The following PDGFRL variants were observed in gnomAD, a reference collection of about 807,000 sequenced individuals.
PDGFRL encodes the protein platelet-derived growth factor receptor-like protein.
PDGFRL carries 46 observed loss-of-function variants against 37.2 expected under a neutral mutation model. The observed-to-expected ratio is 1.24, with a 90% CI of 0.98 to 1.58. The LOEUF (loss-of-function observed/expected upper bound fraction) is 1.58. Among genes scored for constraint, PDGFRL ranks in the 40% most tolerant of loss-of-function variants. The probability of loss-of-function intolerance (pLI) is 0.00; values close to 1 mark genes in which losing one functional copy is unlikely to be tolerated. For missense variants in PDGFRL, 692 were observed against 467.6 expected (o/e 1.48, Z -4.43); for synonymous variants, 251 against 184.3 (o/e 1.36, Z -2.93).
At chr8:17,600,036 C>T (rs1244584254) in intron 2 of PDGFRL, among the ~76,000 whole-genome samples, 1 of 152,192 alleles carries the variant, frequency 6.6e-6, no homozygotes, top group Non-Finnish European at 1.5e-5. Context: ...CCCCCATGCA[C>T]CCTGCAGCCA....
intron 1 of PDGFRL, among the ~76,000 whole-genome samples, chr8:17,586,593 T>C (rs1474187583): frequency 2.6e-5 from 4 of 152,132 alleles, no homozygotes; most frequent in Non-Finnish European, 5.9e-5. Flanking sequence ...GAGACTAATA[T>C]CTGCTTTGTT....
rs184577270 is a variant in PDGFRL, at chr8:17,621,914, C to A, written c.505+712C>A. ...TCTCGAACTCCTGAACTCAAGCTAT[C>A]CTCCTGCTTCGGTCTCCCAAATTGC... is the stretch of plus-strand genomic sequence containing the variant. On this transcript the variant is annotated intron_variant, in intron 3 of 5. Transcript: ENST00000251630. 2.6e-5 allele frequency among the ~76,000 whole-genome samples: 4 copies of A among 152,278 alleles called. No homozygotes were observed. In the East Asian group the frequency reaches 7.7e-4, roughly 29 times the overall value.
chr8:17,625,496 A>C (rs150569312), intron 3 of PDGFRL, among the ~76,000 whole-genome samples: 1 of 152,010 alleles, frequency 6.6e-6, no homozygotes, highest in African/African-American at 2.4e-5. Context: ...GTTTTCTTTA[A>C]GTAAAACATT....
chr8:17,624,730 G>A (rs760530486), intron 3 of PDGFRL, among the ~76,000 whole-genome samples: 16 of 152,236 alleles, frequency 1.1e-4, no homozygotes, highest in Non-Finnish European at 2.1e-4. Flanking sequence ...CCAACATGGC[G>A]AAACTCCCTC....
intron 1 of PDGFRL, among the ~76,000 whole-genome samples, chr8:17,588,790 A>G (rs1029297800): frequency 6.6e-4 from 100 of 152,334 alleles, no homozygotes; most frequent in African/African-American, 2.3e-3. Context: ...GTGACAACAT[A>G]TAGACTGCAA....
intron 2 of PDGFRL, among the ~76,000 whole-genome samples, chr8:17,595,005 ATT>A (rs34890258): frequency 1.1e-3 from 163 of 150,774 alleles, no homozygotes; most frequent in Middle Eastern, 3.4e-3. Flanking sequence ...TACCACGTAC[ATT>A]TTTTTTTTTT....
chr8:17,623,939 GAACTA>G (rs1423622439), intron 3 of PDGFRL, among the ~76,000 whole-genome samples: 1 of 148,348 alleles, frequency 6.7e-6, no homozygotes, highest in African/African-American at 2.5e-5. Context: ...TTTTTTAACT[GAACTA>G]ATTTTGGGAA....
intron 2 of PDGFRL, among the ~76,000 whole-genome samples, chr8:17,605,469 G>T (rs1804254230): frequency 6.6e-6 from 1 of 152,154 alleles, no homozygotes; most frequent in Non-Finnish European, 1.5e-5. Context: ...TGACCCATTT[G>T]CATCTTCTCT....
intron 4 of PDGFRL, among the ~76,000 whole-genome samples, chr8:17,629,360 G>A (rs1392828431): frequency 6.8e-6 from 1 of 147,452 alleles, no homozygotes; most frequent in African/African-American, 2.6e-5. Context: ...CGTTCACTCT[G>A]GTGCTGCCTC....
intron 3 of PDGFRL, among the ~76,000 whole-genome samples, chr8:17,622,747 C>T (rs963653866): frequency 1.3e-5 from 2 of 152,278 alleles, no homozygotes; most frequent in Middle Eastern, 3.4e-3. Context: ...AAGCAGGTTG[C>T]AGGTTGCTCT....
intron 4 of PDGFRL, among the ~76,000 whole-genome samples, chr8:17,630,645 C>T (rs1357658042): frequency 3.3e-5 from 5 of 152,228 alleles, no homozygotes; most frequent in East Asian, 1.9e-4. Context: ...CTCCCCTCCC[C>T]TCCCCTCCCT....
In PDGFRL at chr8:17,642,727, G is replaced by T. The variant is rs1322387162; in HGVS notation, c.1054G>T (p.Ala352Ser). 6.2e-7 allele frequency: 1 copy of T among 1,607,572 alleles called. No individual in the cohort carries two copies. The highest frequency in any genetic ancestry group is 1.1e-5 in the South Asian group (1 of 90,946). The stretch of plus-strand genomic sequence containing the variant: ...AGTGGAAGACTTTGAGACGATTGAT[G>T]CAGGATATTACATTTGCACTGCTCA... ...ITVEDFETID[A>S]GYYICTAQNL... The change falls in exon 6 of 6, where the codon GCA becomes TCA. Residue 352 changes from alanine (A) to serine (S), a missense_variant. By Grantham distance (99) the Ala-to-Ser change is moderately conservative. Transcript: ENST00000251630.
At chr8:17,590,155 T>C (rs940416784) in intron 2 of PDGFRL, among the ~76,000 whole-genome samples, 1 of 143,378 alleles carries the variant, frequency 7.0e-6, no homozygotes, top group Non-Finnish European at 1.5e-5. Flanking sequence ...GGTGCGAACC[T>C]GGGAGGTGGA....
chr8:17,634,028 G>T, intron 4 of PDGFRL, 46 bp from the exon 5 acceptor site: 1 of 1,601,364 alleles, frequency 6.2e-7, no homozygotes. Flanking sequence ...TTGTTTTCAA[G>T]GTTACACTCG....
At chr8:17,577,786 G>A (rs544581930) in intron 1 of PDGFRL, among the ~76,000 whole-genome samples, 40 of 151,576 alleles carry the variant, frequency 2.6e-4, no homozygotes, top group African/African-American at 9.0e-4. Context: ...GCAGTTCTGG[G>A]CGTGTTTTCG....
At chr8:17,582,110 A>G (rs1768965356) in intron 1 of PDGFRL, among the ~76,000 whole-genome samples, 1 of 152,204 alleles carries the variant, frequency 6.6e-6, no homozygotes, top group Admixed American at 6.5e-5. Flanking sequence ...AAATGGAAAC[A>G]GATAACTTAT....
At chr8:17,629,191 G>C (rs984576015) in intron 4 of PDGFRL, among the ~76,000 whole-genome samples, 3 of 150,162 alleles carry the variant, frequency 2.0e-5, no homozygotes, top group Non-Finnish European at 4.4e-5. Flanking sequence ...TAGCTTCCCA[G>C]AGTGCCGAGA....
At chr8:17,639,998 G>T (rs1302438803) in intron 5 of PDGFRL, among the ~76,000 whole-genome samples, 1 of 152,050 alleles carries the variant, frequency 6.6e-6, no homozygotes, top group African/African-American at 2.4e-5. Flanking sequence ...GTTTGTCTTT[G>T]TTCGATTGGG....
intron 1 of PDGFRL, among the ~76,000 whole-genome samples, chr8:17,583,174 G>A (rs1803744273): frequency 6.6e-6 from 1 of 152,172 alleles, no homozygotes; most frequent in Non-Finnish European, 1.5e-5. Flanking sequence ...GAAAGCCTGA[G>A]TGTGCGAGCA....
Sources: allele counts gnomAD v4.1 joint callset (sites outside exome capture counted in the v4.1 genomes callset), GRCh38; gene constraint gnomAD v4.1.1; transcripts MANE v1.5; gene names NCBI Gene and HGNC (gene_info 2026-07-23, HGNC 2026-07-21).